The following LRP1B variants were observed in gnomAD, a reference collection of about 807,000 sequenced individuals.
LRP1B encodes LDL receptor related protein 1B.
Under a neutral mutation model 556.6 loss-of-function variants are expected in LRP1B, and 217 were observed. The ratio of observed to expected loss-of-function variants is 0.39; its 90% CI spans 0.35 to 0.44. LRP1B has a LOEUF of 0.44. Ranked by LOEUF, LRP1B falls within the 20% of genes least tolerant of loss-of-function variation. LRP1B has a pLI of 1.00. For synonymous variants in LRP1B, 2,047 were observed against 1,865.8 expected, an observed-to-expected ratio of 1.10 and a Z score of -2.50; for missense variants, 5,053 against 5,620.8, an observed-to-expected ratio of 0.90 and a Z score of 3.23.
At chr2:141,884,085 G>A (rs1363029185) in intron 1 of LRP1B, among the ~76,000 whole-genome samples, 2 of 152,122 alleles carry the variant, frequency 1.3e-5, no homozygotes, top group African/African-American at 2.4e-5. Flanking sequence ...CTTTAAAAAT[G>A]TATAATGGGC....
intron 35 of LRP1B, among the ~76,000 whole-genome samples, chr2:140,729,575 T>A (rs10209458): frequency 0.16 from 24,284 of 152,098 alleles, 2,009 homozygotes; most frequent in South Asian, 0.2. Flanking sequence ...ATTCCCGCTT[T>A]AAAAAATTGT....
At chr2:140,763,526 C>T (rs1200030295) in intron 35 of LRP1B, among the ~76,000 whole-genome samples, 3 of 152,060 alleles carry the variant, frequency 2.0e-5, no homozygotes, top group African/African-American at 7.2e-5. Context: ...AAGAGATTCT[C>T]TCAAAAATAT....
intron 41 of LRP1B, among the ~76,000 whole-genome samples, chr2:140,668,168 G>A (rs1036391871): frequency 5.3e-5 from 8 of 151,710 alleles, no homozygotes; most frequent in Admixed American, 2.6e-4. Context: ...AAAATTAGCC[G>A]GGTGTGGCGG....
intron 3 of LRP1B, among the ~76,000 whole-genome samples, chr2:141,316,348 A>C (rs1410681545): frequency 6.6e-6 from 1 of 152,214 alleles, no homozygotes; most frequent in Non-Finnish European, 1.5e-5. Flanking sequence ...TCCTTTCACT[A>C]TATACCATTT....
rs764483142 is a variant in LRP1B, at chr2:140,598,672, C to G, written c.7153G>C (p.Gly2385Arg). Residue 2385 changes from glycine (G) to arginine (R), a missense_variant, in exon 43 of 91, where the codon GGA becomes CGA. Gly to Arg is a moderately radical substitution (Grantham distance 125, BLOSUM62 -2). Transcript: ENST00000389484. Reference sequence around the variant, plus strand: ...TCGTATTCACACCTTTCAATTTTTCCTAGACTGCCATCTGAGAAATACAGC... The same window carrying G: ...TCGTATTCACACCTTTCAATTTTTCGTAGACTGCCATCTGAGAAATACAGC... ...EKLYFSDGSL[G>R]KIERCEYDGS... The G allele has an allele frequency of 1.1e-5, 17 of 1,613,662 alleles. No individual in the cohort carries two copies. The highest frequency in any genetic ancestry group is 1.4e-5 in the Non-Finnish European group (17 of 1,179,784).
At chr2:141,949,596 G>A (rs981863421) in intron 1 of LRP1B, among the ~76,000 whole-genome samples, 24 of 152,094 alleles carry the variant, frequency 1.6e-4, no homozygotes, top group South Asian at 6.2e-4. Context: ...CACCATGTTG[G>A]CCAGGATGGT....
intron 60 of LRP1B, among the ~76,000 whole-genome samples, chr2:140,461,019 C>T (rs1451573508): frequency 1.3e-5 from 2 of 148,242 alleles, no homozygotes; most frequent in African/African-American, 5.0e-5. Flanking sequence ...GCCAAGATCG[C>T]ACCACTGCAC....
At chr2:141,761,852 A>C (rs1463099878) in intron 2 of LRP1B, among the ~76,000 whole-genome samples, 1 of 152,184 alleles carries the variant, frequency 6.6e-6, no homozygotes, top group Non-Finnish European at 1.5e-5. Context: ...TGTGTATGAC[A>C]TCTGTCTAGT....
chr2:140,442,348 T>C (rs988226355), intron 66 of LRP1B, among the ~76,000 whole-genome samples, 156 bp downstream of exon 66: 1 of 152,238 alleles, frequency 6.6e-6, no homozygotes, highest in African/African-American at 2.4e-5. Flanking sequence ...GTAAAGTAGC[T>C]AACCTAAGTT....
chr2:140,873,085 T>A (rs2105166601), intron 25 of LRP1B, among the ~76,000 whole-genome samples: 1 of 152,232 alleles, frequency 6.6e-6, no homozygotes, highest in South Asian at 2.1e-4. Flanking sequence ...ATAAATAAGC[T>A]AGCTTTAAAA....
At chr2:142,066,766 T>C (rs1340909266) in intron 1 of LRP1B, among the ~76,000 whole-genome samples, 1 of 151,480 alleles carries the variant, frequency 6.6e-6, no homozygotes, top group East Asian at 1.9e-4. Flanking sequence ...TCAAATCTAC[T>C]TCCACATTTC....
chr2:140,768,028 T>C (rs1269850607), intron 35 of LRP1B, among the ~76,000 whole-genome samples: 1 of 151,918 alleles, frequency 6.6e-6, no homozygotes, highest in East Asian at 1.9e-4. Flanking sequence ...TGATTAAAGT[T>C]TGATCAAAAA....
chr2:140,476,826 G>A (rs982249904), intron 59 of LRP1B, among the ~76,000 whole-genome samples: 1 of 151,936 alleles, frequency 6.6e-6, no homozygotes, highest in Non-Finnish European at 1.5e-5. Flanking sequence ...ATAAACTTGG[G>A]TCTGGTAACA....
chr2:141,379,815 T>C (rs1689572575), intron 3 of LRP1B, among the ~76,000 whole-genome samples: 1 of 152,058 alleles, frequency 6.6e-6, no homozygotes, highest in South Asian at 2.1e-4. Flanking sequence ...CTTTTCCCCC[T>C]AGGCAAGCAC....
intron 2 of LRP1B, among the ~76,000 whole-genome samples, chr2:141,609,375 C>T (rs1204624399): frequency 6.6e-6 from 1 of 151,900 alleles, no homozygotes. Flanking sequence ...ACATAGTGTA[C>T]TGTTGCTGTC....
chr2:140,994,742 A>T (rs1030710494), intron 15 of LRP1B, among the ~76,000 whole-genome samples: 1 of 151,988 alleles, frequency 6.6e-6, no homozygotes, highest in Non-Finnish European at 1.5e-5. Context: ...CAATAAAAAT[A>T]ATGTCCTAAA....
chr2:141,049,312 C>A, intron 10 of LRP1B, 90 bp from the exon 11 acceptor site: 1 of 830,808 alleles, frequency 1.2e-6, no homozygotes, highest in Non-Finnish European at 2.0e-6. Flanking sequence ...GCACAATTAG[C>A]GTTTTTTAAA....
At chr2:140,470,644 CAAAAAAAAAAAA>C (rs35981828) in intron 60 of LRP1B, among the ~76,000 whole-genome samples, 3 of 58,546 alleles carry the variant, frequency 5.1e-5, no homozygotes, top group African/African-American at 1.7e-4. Context: ...GACTCTGTCT[CAAAAAAAAAAAA>C]AAAAAAAAAA....
chr2:140,809,759 C>T (rs1055312882), intron 32 of LRP1B, among the ~76,000 whole-genome samples: 2 of 152,108 alleles, frequency 1.3e-5, no homozygotes, highest in African/African-American at 4.8e-5. Context: ...TTTGGAGTAT[C>T]CCTTGAGGTT....
Sources: gnomAD v4.1 joint callset for allele counts (sites outside exome capture counted in the v4.1 genomes callset) on GRCh38, gnomAD v4.1.1 for gene constraint, MANE v1.5 for transcripts, NCBI Gene and HGNC (gene_info 2026-07-23, HGNC 2026-07-21) for gene names.